Variants in PHACTR1 observed in about 807,000 individuals in gnomAD.
PHACTR1 encodes the protein RPEL repeat containing 1.
In PHACTR1, 16 loss-of-function variants were observed where a neutral mutation model predicts 69.2. The ratio of observed to expected loss-of-function variants is 0.23; its 90% CI spans 0.16 to 0.35. The LOEUF (loss-of-function observed/expected upper bound fraction) is 0.35, where lower values mean the gene tolerates loss of function less well. Among genes scored for constraint, PHACTR1 ranks in the 10% least tolerant of loss-of-function variants. PHACTR1 has a pLI of 1.00. For missense variants in PHACTR1, 510 were observed against 734.7 expected (o/e 0.69, Z 3.54); for synonymous variants, 312 against 284.5 (o/e 1.10, Z -0.97).
At chr6:12,730,952 A>G (rs975735739) in intron 3 of PHACTR1, among the ~76,000 whole-genome samples, 44 of 152,212 alleles carry the variant, frequency 2.9e-4, no homozygotes, top group African/African-American at 1.0e-3. Context: ...TGTGGTACAT[A>G]TACACCATGG....
In PHACTR1 at chr6:13,278,124, G is replaced by C. The variant is rs1779324015; in HGVS notation, c.1448-144G>C. The stretch of plus-strand genomic sequence containing the variant: ...TGGAAAGCAATCCCCATAAGGAGAA[G>C]GGCAGCTGGGGGAGGGGACAGGAGT... On this transcript the variant is annotated intron_variant, in intron 11 of 14. Transcript: ENST00000332995. 1.0e-5 allele frequency: 7 copies of C among 686,576 alleles called. No individual in the cohort carries two copies. The South Asian group carries it at 1.5e-4, about 14-fold the overall frequency. 42.5% of individuals were successfully genotyped at this position (686,576 alleles called of 1,614,324 possible).
At chr6:12,939,998 C>T (rs529815856) in intron 4 of PHACTR1, among the ~76,000 whole-genome samples, 7 of 152,134 alleles carry the variant, frequency 4.6e-5, no homozygotes, top group African/African-American at 7.2e-5. Flanking sequence ...TAGGTAAATG[C>T]GGCAAGAAAG....
chr6:12,930,964 C>T (rs1255896141), intron 4 of PHACTR1, among the ~76,000 whole-genome samples: 2 of 137,828 alleles, frequency 1.5e-5, no homozygotes, highest in African/African-American at 5.6e-5. Context: ...AGGCAGGAGA[C>T]TCACTTGAAC....
At chr6:13,199,383 CAAAAAAAAAAAAAAAAAA>C (rs59070503) in intron 7 of PHACTR1, among the ~76,000 whole-genome samples, 19 of 78,252 alleles carry the variant, frequency 2.4e-4, no homozygotes, top group Middle Eastern at 7.6e-3. Context: ...GAGTCCATCT[CAAAAAAAAAAAAAAAAAA>C]AAAAAAAAAA....
Position 13,184,598 on chromosome 6 carries a change from T to C in PHACTR1, c.664+1912T>C, listed in dbSNP as rs370252276. 9.2e-5 allele frequency among the ~76,000 whole-genome samples: 14 copies of C among 152,318 alleles called. No individual in the cohort carries two copies. In the East Asian group the frequency reaches 2.7e-3, roughly 29 times the overall value. On this transcript the variant is annotated intron_variant, in intron 7 of 14. Coordinates refer to ENST00000332995, the MANE Select transcript of PHACTR1 (RefSeq NM_030948.6). Reference sequence around the variant, plus strand: ...GCTCTTCCCGCCTCCACTCTCTCTCTTCCTCTGCCTCCTCTCTCTGTCCTC... The same window carrying C: ...GCTCTTCCCGCCTCCACTCTCTCTCCTCCTCTGCCTCCTCTCTCTGTCCTC...
intron 4 of PHACTR1, among the ~76,000 whole-genome samples, chr6:12,951,815 A>G (rs1002051499): frequency 6.6e-6 from 1 of 152,212 alleles, no homozygotes; most frequent in African/African-American, 2.4e-5. Flanking sequence ...GATGCTGTTT[A>G]AGTAGGTGAA....
chr6:12,866,379 C>T (rs73362143), intron 4 of PHACTR1, among the ~76,000 whole-genome samples: 5,236 of 152,252 alleles, frequency 0.034, 283 homozygotes, highest in African/African-American at 0.12. Context: ...ATTTTAACCT[C>T]TTCCTCTCTC....
intron 3 of PHACTR1, among the ~76,000 whole-genome samples, chr6:12,734,090 G>A (rs1266623724): frequency 6.6e-6 from 1 of 152,140 alleles, no homozygotes; most frequent in African/African-American, 2.4e-5. Flanking sequence ...TCTACTTTAA[G>A]AAACTGGGAG....
chr6:12,888,150 AAATG>A (rs947138279), intron 4 of PHACTR1, among the ~76,000 whole-genome samples: 7 of 151,576 alleles, frequency 4.6e-5, no homozygotes, highest in African/African-American at 1.7e-4. Flanking sequence ...CTGCTTCCAT[AAATG>A]GATTAGTGCC....
At chr6:12,950,388 G>A (rs563144289) in intron 4 of PHACTR1, among the ~76,000 whole-genome samples, 14 of 152,352 alleles carry the variant, frequency 9.2e-5, no homozygotes, top group African/African-American at 3.4e-4. Flanking sequence ...ACCATACTGT[G>A]TGTAAGCAAG....
chr6:13,109,502 ATTC>A (rs1816687759), intron 5 of PHACTR1, among the ~76,000 whole-genome samples: 1 of 151,804 alleles, frequency 6.6e-6, no homozygotes, highest in African/African-American at 2.4e-5. Flanking sequence ...GTCAAAGATG[ATTC>A]TTATCTTTTT....
intron 4 of PHACTR1, among the ~76,000 whole-genome samples, chr6:12,830,626 G>A (rs1226290556): frequency 2.0e-5 from 3 of 151,724 alleles, no homozygotes; most frequent in Middle Eastern, 3.2e-3. Flanking sequence ...TTTCACTCTT[G>A]TTGCCCAGGC....
At chr6:13,081,886 G>A (rs1338895772) in intron 5 of PHACTR1, among the ~76,000 whole-genome samples, 2 of 152,134 alleles carry the variant, frequency 1.3e-5, no homozygotes, top group African/African-American at 4.8e-5. Flanking sequence ...AAATGCTACA[G>A]CAATAGACTT....
intron 3 of PHACTR1, among the ~76,000 whole-genome samples, chr6:12,729,618 C>A (rs1279588622): frequency 1.3e-5 from 2 of 152,032 alleles, no homozygotes; most frequent in Non-Finnish European, 2.9e-5. Context: ...CCATGCCAGA[C>A]CAAGGAATCC....
intron 4 of PHACTR1, among the ~76,000 whole-genome samples, chr6:12,792,172 C>G (rs1772364717): frequency 6.6e-6 from 1 of 151,880 alleles, no homozygotes; most frequent in Admixed American, 6.6e-5. Flanking sequence ...GTGGTTAGAA[C>G]TAAGAAAATG....
At chr6:12,931,644 C>T (rs1026695875) in intron 4 of PHACTR1, among the ~76,000 whole-genome samples, 17 of 151,840 alleles carry the variant, frequency 1.1e-4, no homozygotes, top group African/African-American at 3.6e-4. Flanking sequence ...CGTCAGCATC[C>T]GGGGACTTTA....
At chr6:13,146,318 G>C (rs1423893540) in intron 5 of PHACTR1, among the ~76,000 whole-genome samples, 1 of 152,156 alleles carries the variant, frequency 6.6e-6, no homozygotes, top group African/African-American at 2.4e-5. Flanking sequence ...ATATTTGTCT[G>C]GATAGACATC....
intron 4 of PHACTR1, among the ~76,000 whole-genome samples, chr6:12,955,212 T>TTTTTTTTTTTTTTTTTTTTTTTTG (rs1491549134): frequency 7.0e-6 from 1 of 143,412 alleles, no homozygotes; most frequent in African/African-American, 2.8e-5. Context: ...TTTTTTTTTT[T>TTTTTTTTTTTTTTTTTTTTTTTTG]GAGAGAGATA....
intron 4 of PHACTR1, among the ~76,000 whole-genome samples, chr6:12,771,631 G>T (rs1219136823): frequency 6.6e-6 from 1 of 152,160 alleles, no homozygotes; most frequent in African/African-American, 2.4e-5. Context: ...CCACACCAGG[G>T]TCTGCCATAT....
Sources: allele counts gnomAD v4.1 joint callset (sites outside exome capture counted in the v4.1 genomes callset), GRCh38; gene constraint gnomAD v4.1.1; transcripts MANE v1.5; gene names NCBI Gene and HGNC (gene_info 2026-07-23, HGNC 2026-07-21).